PARD3B: variants seen among roughly 807,000 people sequenced by gnomAD.
The protein encoded by PARD3B is partitioning defective 3 homolog B.
Under a neutral mutation model 130.2 loss-of-function variants are expected in PARD3B, and 103 were observed. That is an observed-to-expected ratio of 0.79 (90% CI 0.67 to 0.93). The LOEUF is 0.93. Among genes scored for constraint, PARD3B ranks in the 40% least tolerant of loss-of-function variants. PARD3B has a pLI of 0.00. For synonymous variants in PARD3B, 583 were observed against 553.2 expected (o/e 1.05, Z -0.76); for missense variants, 1,609 against 1,499.2 (o/e 1.07, Z -1.21).
At chr2:205,232,900 G>A (rs1456140681) in intron 15 of PARD3B, among the ~76,000 whole-genome samples, 1 of 152,170 alleles carries the variant, frequency 6.6e-6, no homozygotes, top group African/African-American at 2.4e-5. Context: ...GCAACTTCAG[G>A]TGGTTTCAGA....
rs193027736 is a variant in PARD3B at position 205,480,857 on chromosome 2, A to G, written c.3045-19039A>G. Among the ~76,000 whole-genome samples, 200 of 152,334 alleles carry G rather than the reference A, an allele frequency of 1.3e-3. 1 individual carries two copies. The highest frequency in any genetic ancestry group is 1.8e-3 in the Admixed American group (28 of 15,306). On this transcript the variant is annotated intron_variant, in intron 20 of 22. Transcript: ENST00000406610. ...GCTAACCAGGTAGAGATTGTCTTGA[A>G]GGGTCTACAGATAAAACTGCCAGAG...
At chr2:205,045,320 C>G (rs1698698001) in intron 3 of PARD3B, among the ~76,000 whole-genome samples, 1 of 151,422 alleles carries the variant, frequency 6.6e-6, no homozygotes, top group South Asian at 2.1e-4. Flanking sequence ...GCTATCTGGG[C>G]TCACTGCAAC....
intron 15 of PARD3B, among the ~76,000 whole-genome samples, chr2:205,205,808 G>A (rs962316348): frequency 6.6e-6 from 1 of 152,138 alleles, no homozygotes; most frequent in African/African-American, 2.4e-5. Context: ...ACTTGATCAT[G>A]GTGGATAAGC....
chr2:205,474,165 A>G (rs1431177564), intron 20 of PARD3B, among the ~76,000 whole-genome samples: 2 of 151,994 alleles, frequency 1.3e-5, no homozygotes, highest in Non-Finnish European at 2.9e-5. Context: ...CCTTCTTTTT[A>G]TATTTTTATT....
chr2:205,193,990 C>T (rs554131767), intron 15 of PARD3B, among the ~76,000 whole-genome samples: 3 of 152,306 alleles, frequency 2.0e-5, no homozygotes, highest in African/African-American at 7.2e-5. Flanking sequence ...CCCCTGTTAA[C>T]TGTGTTCTGA....
chr2:204,646,614 A>G (rs1026402399), intron 1 of PARD3B, among the ~76,000 whole-genome samples: 5 of 152,024 alleles, frequency 3.3e-5, no homozygotes, highest in Non-Finnish European at 5.9e-5. Flanking sequence ...GTGTGTACAT[A>G]CATTATCTTC....
intron 10 of PARD3B, among the ~76,000 whole-genome samples, chr2:205,156,163 C>CA (rs1455761267): frequency 2.2e-5 from 3 of 138,300 alleles, no homozygotes; most frequent in Non-Finnish European, 3.0e-5. Context: ...ATCGCAAGGA[C>CA]AAAAAACCAA....
chr2:205,085,290 T>C (rs1398643188), intron 4 of PARD3B, among the ~76,000 whole-genome samples: 2 of 152,068 alleles, frequency 1.3e-5, no homozygotes, highest in Non-Finnish European at 2.9e-5. Flanking sequence ...TACTAATGTA[T>C]CTTGCTGCCT....
intron 2 of PARD3B, among the ~76,000 whole-genome samples, chr2:204,733,263 A>T (rs1333148311): frequency 2.0e-5 from 3 of 152,170 alleles, no homozygotes; most frequent in African/African-American, 7.2e-5. Flanking sequence ...CTTAGATAAC[A>T]TCATAAAACA....
intron 2 of PARD3B, among the ~76,000 whole-genome samples, chr2:204,730,419 C>T (rs1166148713): frequency 6.6e-6 from 1 of 151,968 alleles, no homozygotes; most frequent in Non-Finnish European, 1.5e-5. Flanking sequence ...AAGCAGATTT[C>T]CTGTGTGACT....
Position 204,890,113 on chromosome 2 carries a change from TGCCTTCTCC to T in PARD3B, c.223-75027_223-75019del, listed in dbSNP as rs1553549104. Among the ~76,000 whole-genome samples, 1 of 152,244 alleles carries T rather than the reference TGCCTTCTCC, an allele frequency of 6.6e-6. No individual in the cohort carries two copies. Among genetic ancestry groups the T allele is most frequent in the Non-Finnish European group, 1.5e-5 (1 of 68,042 alleles). ...GATGCAGAATTTACCATGTCTGCTT[TGCCTTCTCC>T]GCCTTCTCCGCATGCCAGCAGGAGC... is the stretch of plus-strand genomic sequence containing the variant. On this transcript the variant is annotated intron_variant, in intron 2 of 22. Coordinates refer to ENST00000406610, the MANE Select transcript of PARD3B (RefSeq NM_001302769.2). The surrounding 1 kb of genome is among the most constrained non-coding windows in gnomAD (Gnocchi z 4.9).
At chr2:205,005,239 A>G (rs757047638) in intron 3 of PARD3B, among the ~76,000 whole-genome samples, 12 of 152,180 alleles carry the variant, frequency 7.9e-5, no homozygotes, top group Non-Finnish European at 1.6e-4. Flanking sequence ...ACACACATAT[A>G]TACAGCAAGA....
chr2:204,804,569 A>G (rs1236094031), intron 2 of PARD3B, among the ~76,000 whole-genome samples: 3 of 152,194 alleles, frequency 2.0e-5, no homozygotes, highest in Non-Finnish European at 4.4e-5. Flanking sequence ...TGCTTCTAGC[A>G]TTGGACAGAT....
At chr2:204,980,777 A>G (rs955402821) in intron 3 of PARD3B, among the ~76,000 whole-genome samples, 1 of 152,218 alleles carries the variant, frequency 6.6e-6, no homozygotes, top group Non-Finnish European at 1.5e-5. Context: ...ACAAGGAAAG[A>G]TTGAAAAACT....
chr2:204,972,701 T>G (rs187835771), intron 3 of PARD3B, among the ~76,000 whole-genome samples: 1 of 152,316 alleles, frequency 6.6e-6, no homozygotes, highest in Admixed American at 6.5e-5. Context: ...TTTTCTAAGT[T>G]GATTATGTGA....
In PARD3B at chr2:204,678,245, T is replaced by G. The variant is rs79076652; in HGVS notation, c.121-7936T>G. ...TAGGTGCTGGCAGGACCAAACCCAG[T>G]AACCGGGCCCGTGGTAGCAATCAGT... On this transcript the variant is annotated intron_variant, in intron 1 of 22. Coordinates refer to ENST00000406610, the MANE Select transcript of PARD3B (RefSeq NM_001302769.2). This position sits in a 1 kb window ranked among gnomAD's most constrained non-coding sequence, Gnocchi z 4.2. Among the ~76,000 whole-genome samples, 7,045 of 152,182 alleles carry G rather than the reference T, an allele frequency of 0.046. 461 individuals are homozygous for G. The highest frequency in any genetic ancestry group is 0.14 in the East Asian group (730 of 5,150).
chr2:205,358,358 A>T (rs1191345106), intron 18 of PARD3B, among the ~76,000 whole-genome samples: 1 of 152,198 alleles, frequency 6.6e-6, no homozygotes, highest in Non-Finnish European at 1.5e-5. Context: ...ATTTGGGCCT[A>T]GAGACACAAA....
intron 22 of PARD3B, among the ~76,000 whole-genome samples, chr2:205,604,502 A>C (rs2054911549): frequency 6.6e-6 from 1 of 152,178 alleles, no homozygotes; most frequent in Non-Finnish European, 1.5e-5. Flanking sequence ...CTCGCACAAC[A>C]CTTGGGAATT....
Position 205,229,993 on chromosome 2 carries a change from G to A in PARD3B, c.2141-15785G>A, listed in dbSNP as rs1421497179. Among the ~76,000 whole-genome samples, 2 of 151,788 alleles carry A rather than the reference G, an allele frequency of 1.3e-5. No homozygotes were observed. The highest frequency in any genetic ancestry group is 4.8e-5 in the African/African-American group (2 of 41,294). On this transcript the variant is annotated intron_variant, in intron 15 of 22. Coordinates refer to ENST00000406610, the MANE Select transcript of PARD3B (RefSeq NM_001302769.2). The surrounding 1 kb of genome is among the most constrained non-coding windows in gnomAD (Gnocchi z 5.2). Reference sequence around the variant, plus strand: ...TCATTCCAGGTCTAAGGACTCTTCAGTCAGCTCATGGTGAATGCTGCCAGG... The same window carrying A: ...TCATTCCAGGTCTAAGGACTCTTCAATCAGCTCATGGTGAATGCTGCCAGG...
Sources: allele counts gnomAD v4.1 joint callset (sites outside exome capture counted in the v4.1 genomes callset), GRCh38; gene constraint gnomAD v4.1.1; non-coding constraint Gnocchi (gnomAD v3.1); transcripts MANE v1.5; gene names NCBI Gene and HGNC (gene_info 2026-07-23, HGNC 2026-07-21).